Variants in CFAP299 observed in about 807,000 individuals in gnomAD.
CFAP299 encodes cilia and flagella associated protein 299.
A neutral mutation model predicts 27.0 loss-of-function variants in CFAP299; 21 were observed. The observed-to-expected ratio is 0.78, with a 90% CI of 0.55 to 1.12. The LOEUF (loss-of-function observed/expected upper bound fraction) is 1.12, where lower values mean the gene tolerates loss of function less well. Among genes scored for constraint, CFAP299 ranks in the 50% most tolerant of loss-of-function variants. The probability of loss-of-function intolerance (pLI) is 0.00; values close to 1 mark genes in which losing one functional copy is unlikely to be tolerated. For synonymous variants in CFAP299, 104 were observed against 98.1 expected (o/e 1.06, Z -0.36); for missense variants, 310 against 276.6 (o/e 1.12, Z -0.86).
chr4:80,483,518 A>G (rs1730667974), intron 2 of CFAP299, among the ~76,000 whole-genome samples: 3 of 152,172 alleles, frequency 2.0e-5, no homozygotes, highest in Non-Finnish European at 4.4e-5. Context: ...TAACCATTAT[A>G]TCCATAATCT....
In CFAP299 at chr4:80,877,905, GTTTA is replaced by G. The variant is rs1317244008; in HGVS notation, c.476+7774_476+7777del. On this transcript the variant is annotated intron_variant, in intron 4 of 5. Transcript: ENST00000358105. ...ATTCTCTTTTGGTATTTTGGTGTGT[GTTTA>G]TTTGTGTCTATGTTTGTACTATTTG... 2.6e-5 allele frequency among the ~76,000 whole-genome samples: 4 copies of G among 151,912 alleles called. No individual in the cohort carries two copies. The East Asian group carries it at 7.7e-4, about 29-fold the overall frequency.
chr4:80,661,954 C>A (rs111430148), intron 3 of CFAP299, among the ~76,000 whole-genome samples: 1 of 152,116 alleles, frequency 6.6e-6, no homozygotes, highest in Non-Finnish European at 1.5e-5. Flanking sequence ...TCTCCCATAG[C>A]GCTCTCAGGC....
intron 3 of CFAP299, among the ~76,000 whole-genome samples, chr4:80,806,191 G>T (rs1728858221): frequency 6.6e-6 from 1 of 152,136 alleles, no homozygotes; most frequent in African/African-American, 2.4e-5. Context: ...TGGATGAGCA[G>T]ACTATGTTAT....
At chr4:80,439,346 C>A (rs1728237188) in intron 2 of CFAP299, among the ~76,000 whole-genome samples, 1 of 152,126 alleles carries the variant, frequency 6.6e-6, no homozygotes, top group Admixed American at 6.5e-5. Context: ...AACTGAGGTA[C>A]CAAGCTCATC....
intron 3 of CFAP299, among the ~76,000 whole-genome samples, chr4:80,594,840 C>T (rs978441890): frequency 4.6e-5 from 7 of 152,074 alleles, no homozygotes; most frequent in South Asian, 2.1e-4. Context: ...AAGAATAACA[C>T]GACACAAAAG....
chr4:80,637,961 TC>T (rs1739533258), intron 3 of CFAP299, among the ~76,000 whole-genome samples: 2 of 152,252 alleles, frequency 1.3e-5, no homozygotes, highest in African/African-American at 4.8e-5. Context: ...CTGGTTGATT[TC>T]TAGCAATAAA....
chr4:80,608,240 C>G, intron 3 of CFAP299: 1 of 768,472 alleles, frequency 1.3e-6, no homozygotes, highest in Admixed American at 2.3e-5. Context: ...TCCAACAGTA[C>G]CAGAGGGTGG....
intron 3 of CFAP299, among the ~76,000 whole-genome samples, chr4:80,828,883 C>T (rs558695287): frequency 1.1e-4 from 16 of 152,014 alleles, no homozygotes; most frequent in African/African-American, 3.9e-4. Context: ...TCAGTATCTG[C>T]ATGCAAAAAA....
intron 3 of CFAP299, among the ~76,000 whole-genome samples, chr4:80,812,424 G>C (rs550666495): frequency 2.0e-5 from 3 of 152,026 alleles, no homozygotes; most frequent in Admixed American, 2.0e-4. Flanking sequence ...ATTGAATAAA[G>C]AAAATTTATC....
chr4:80,430,894 C>T (rs1217500665), intron 2 of CFAP299, among the ~76,000 whole-genome samples: 3 of 152,214 alleles, frequency 2.0e-5, no homozygotes, highest in Non-Finnish European at 2.9e-5. Context: ...TCCTTTGGTC[C>T]TCCAGATGTT....
chr4:80,890,216 A>T (rs1047959280), intron 4 of CFAP299, among the ~76,000 whole-genome samples: 2 of 152,134 alleles, frequency 1.3e-5, no homozygotes, highest in Non-Finnish European at 2.9e-5. Context: ...ATATGATCTC[A>T]TACTTGGAAA....
chr4:80,325,522 T>C, the CFAP299 span, among the ~76,000 whole-genome samples: 3 of 152,220 alleles, frequency 2.0e-5, no homozygotes, highest in Non-Finnish European at 4.4e-5. Flanking sequence ...CTGCTGGTGG[T>C]ACATAAGTTT....
chr4:80,637,870 C>G (rs1317731890), intron 3 of CFAP299, among the ~76,000 whole-genome samples: 2 of 152,162 alleles, frequency 1.3e-5, no homozygotes, highest in Admixed American at 6.5e-5. Flanking sequence ...ACTAGAGAAG[C>G]CTCATTTAAA....
chr4:80,960,977 C>G (rs531780957), intron 5 of CFAP299, among the ~76,000 whole-genome samples: 4 of 151,578 alleles, frequency 2.6e-5, no homozygotes, highest in Non-Finnish European at 5.9e-5. Context: ...GGTCTCCTAT[C>G]TTAGTTAGAA....
chr4:80,710,826 T>G (rs542475389), intron 3 of CFAP299, among the ~76,000 whole-genome samples: 1 of 152,264 alleles, frequency 6.6e-6, no homozygotes, highest in East Asian at 1.9e-4. Flanking sequence ...TAATACTGGC[T>G]GATTATTGGG....
chr4:80,355,354 C>CTTTTTTTTTTTT (rs70944772), intron 1 of CFAP299, among the ~76,000 whole-genome samples: 3 of 95,522 alleles, frequency 3.1e-5, no homozygotes, highest in Non-Finnish European at 5.7e-5. Context: ...ATGTCCTTTG[C>CTTTTTTTTTTTT]TTTTTTTTTT....
intron 2 of CFAP299, among the ~76,000 whole-genome samples, chr4:80,488,317 T>A (rs1050682730): frequency 6.6e-5 from 10 of 152,178 alleles, no homozygotes; most frequent in Non-Finnish European, 1.5e-4. Context: ...TGGAATATTG[T>A]CTCAGAAATA....
At chr4:80,356,077 C>T (rs764614333) in intron 1 of CFAP299, among the ~76,000 whole-genome samples, 25 of 146,768 alleles carry the variant, frequency 1.7e-4, no homozygotes, top group Non-Finnish European at 3.3e-4. Flanking sequence ...CTTCCAGCAC[C>T]ATTTGTTAAA....
chr4:80,472,240 T>C (rs1484543592), intron 2 of CFAP299, among the ~76,000 whole-genome samples: 1 of 152,138 alleles, frequency 6.6e-6, no homozygotes, highest in Non-Finnish European at 1.5e-5. Context: ...AATGAGTAAG[T>C]TATTTAGTAA....
Sources: gnomAD v4.1 joint callset for allele counts (sites outside exome capture counted in the v4.1 genomes callset) on GRCh38, gnomAD v4.1.1 for gene constraint, MANE v1.5 for transcripts, NCBI Gene and HGNC (gene_info 2026-07-23, HGNC 2026-07-21) for gene names.